CD177: variants seen among roughly 807,000 people sequenced by gnomAD.
The protein encoded by CD177 is CD177 antigen.
In CD177, 41 loss-of-function variants were observed where a neutral mutation model predicts 38.1. The ratio of observed to expected loss-of-function variants is 1.07; its 90% CI spans 0.84 to 1.39. The LOEUF (loss-of-function observed/expected upper bound fraction) is 1.39, where lower values mean the gene tolerates loss of function less well. Among genes scored for constraint, CD177 ranks in the 40% most tolerant of loss-of-function variants. CD177 has a pLI of 0.00. For synonymous variants in CD177, 236 were observed against 216.7 expected (o/e 1.09, Z -0.78); for missense variants, 619 against 523.8 (o/e 1.18, Z -1.77).
downstream of CD177, among the ~76,000 whole-genome samples, chr19:43,365,747 G>T (rs537110572): frequency 3.3e-5 from 5 of 151,220 alleles, no homozygotes; most frequent in African/African-American, 7.3e-5. Context: ...CATAAGCCTG[G>T]TCTGCACTTT....
Position 43,362,378 on chromosome 19 carries a change from G to A in CD177, c.*58G>A. 1.3e-6 allele frequency: 1 copy of A among 746,152 alleles called. No individual in the cohort carries two copies. The highest frequency in any genetic ancestry group is 2.2e-6 in the Non-Finnish European group (1 of 453,798). The allele number at this position is 746,152 out of a possible 1,614,324, so 46.2% of individuals were successfully genotyped here. On this transcript the variant is annotated 3_prime_UTR_variant, in exon 9 of 9. Transcript: ENST00000618265. Reference sequence around the variant, plus strand: ...GACCACCCACACTCAACCTCCCTCTGACCTCATAACCTAATGGCCTTGGAC... The same window carrying A: ...GACCACCCACACTCAACCTCCCTCTAACCTCATAACCTAATGGCCTTGGAC...
At chr19:43,362,034 C>G (rs1969976750) in intron 8 of CD177, 54 bp from the exon 9 acceptor site, 1 of 1,515,996 alleles carries the variant, frequency 6.6e-7, no homozygotes. Flanking sequence ...CCTGGGTTTA[C>G]AACTTGGCTG....
intron 4 of CD177, 62 bp downstream of exon 4, chr19:43,355,845 T>A: frequency 6.2e-7 from 1 of 1,608,630 alleles, no homozygotes; most frequent in Non-Finnish European, 8.5e-7. Context: ...GACTGAGATC[T>A]TAGGCTTTGG....
intron 4 of CD177, 95 bp downstream of exon 4, chr19:43,355,878 G>T (rs73039860): frequency 6.4e-7 from 1 of 1,553,326 alleles, no homozygotes; most frequent in Non-Finnish European, 8.8e-7. Flanking sequence ...GCTGAGGCAC[G>T]GCATGAGACC....
At chr19:43,361,682 G>C in intron 8 of CD177, 103 bp downstream of exon 8, 1 of 1,242,810 alleles carries the variant, frequency 8.0e-7, no homozygotes, top group Non-Finnish European at 1.1e-6. Context: ...GTCCGAGGGA[G>C]GAGGCGCTGG....
chr19:43,362,329 C>T lies in CD177; in HGVS notation c.*9C>T, dbSNP rs1476473506. ...TTTGCCCTTCCTGCTAACTCTATTA[C>T]CCCCACGATTCTTCACCGCTGCTGA... On this transcript the variant is annotated 3_prime_UTR_variant, in exon 9 of 9. Coordinates refer to ENST00000618265, the MANE Select transcript of CD177 (RefSeq NM_020406.4). 2.3e-6 allele frequency: 3 copies of T among 1,332,862 alleles called. No individual in the cohort carries two copies. The highest frequency in any genetic ancestry group is 2.4e-5 in the East Asian group (1 of 42,430). The allele number at this position is 1,332,862 out of a possible 1,614,324, so 82.6% of individuals were successfully genotyped here.
intron 3 of CD177, chr19:43,354,649 G>A (rs1387829722): frequency 1.7e-6 from 1 of 591,434 alleles, no homozygotes; most frequent in Admixed American, 3.0e-5. Flanking sequence ...CAAACAGGAC[G>A]GATTTCTGAT....
Position 43,353,873 on chromosome 19 carries a change from C to G in CD177, c.73C>G (p.Gln25Glu), listed in dbSNP as rs768758511. The change falls in exon 2 of 9, where the codon CAG becomes GAG. Residue 25 changes from glutamine (Q) to glutamate (E), a missense_variant. Transcript: ENST00000618265. ...TCCAGGAGTGCAGGCGCTGCTCTGC[C>G]AGTTTGGGACAGTTCAGCATGTGTG... ...PLPGVQALLC[Q>E]FGTVQHVWKV... 4.3e-6 allele frequency: 7 copies of G among 1,613,856 alleles called. No homozygotes were observed. Among genetic ancestry groups the G allele is most frequent in the Non-Finnish European group, 5.9e-6 (7 of 1,179,846 alleles).
chr19:43,363,806 G>C (rs1459029210), downstream of CD177, among the ~76,000 whole-genome samples: 13 of 152,194 alleles, frequency 8.5e-5, no homozygotes, highest in Non-Finnish European at 1.3e-4. Flanking sequence ...TCAAAGTCCA[G>C]GACGGGCTCG....
downstream of CD177, among the ~76,000 whole-genome samples, chr19:43,363,688 G>A (rs751213715): frequency 2.4e-3 from 253 of 106,600 alleles, 1 homozygote; most frequent in South Asian, 0.023. Context: ...GAGGAGAGGA[G>A]AGGGAAGAGG....
At position 43,362,091 on chromosome 19, in the gene CD177, G is replaced by C. The variant is rs1159965841; in HGVS notation, c.1085G>C (p.Gly362Ala). The C allele has an allele frequency of 1.9e-6, 3 of 1,613,456 alleles. No individual in the cohort carries two copies. The highest frequency in any genetic ancestry group is 1.1e-5 in the South Asian group (1 of 91,074). The change falls in exon 9 of 9, where the codon GGG becomes GCG. Residue 362 changes from glycine (G) to alanine (A), a missense_variant. Coordinates refer to ENST00000618265, the MANE Select transcript of CD177 (RefSeq NM_020406.4). ...TGACTTGGTCTTCTCCCTCTAGGTGGGCTGTCCACCAAAATGAGCATTCAG... is the reference window on the plus strand; with the variant it reads ...TGACTTGGTCTTCTCCCTCTAGGTGCGCTGTCCACCAAAATGAGCATTCAG... ...YDGYIHLSGG[G>A]LSTKMSIQGC... is the part of the protein sequence containing the mutation.
rs1378961137 is a variant in CD177, at chr19:43,353,984, A to T, written c.184A>T (p.Ile62Phe). Reference sequence around the variant, plus strand: ...GGGGTGCCAGGACACGTTGATGCTCATTGAGAGCGGTGAGAAGGCCCTGGC... The same window carrying T: ...GGGGTGCCAGGACACGTTGATGCTCTTTGAGAGCGGTGAGAAGGCCCTGGC... ...GLGCQDTLML[I>F]ESGPQVSLVL... is the part of the protein sequence containing the mutation. Residue 62 changes from isoleucine (I) to phenylalanine (F), a missense_variant, in exon 2 of 9, where the codon ATT (isoleucine) becomes TTT (phenylalanine). Transcript: ENST00000618265. 5.6e-6 allele frequency: 9 copies of T among 1,613,716 alleles called. No individual in the cohort carries two copies. In the Middle Eastern group the frequency reaches 5.0e-4, roughly 89 times the overall value.
chr19:43,354,667 C>T (rs1333859628), intron 3 of CD177: 28 of 592,594 alleles, frequency 4.7e-5, no homozygotes, highest in East Asian at 1.1e-4. Context: ...GATATGAAAT[C>T]ACCATTAACT....
At position 43,355,104 on chromosome 19, in the gene CD177, CTT is replaced by C. The variant is rs1156547437; in HGVS notation, c.380-533_380-532del. 2.2e-4 allele frequency among the ~76,000 whole-genome samples: 6 copies of C among 26,826 alleles called. 1 individual carries two copies. The highest frequency in any genetic ancestry group is 1.7e-3 in the Admixed American group (3 of 1,804). The allele number at this position is 26,826 out of a possible 152,430, so 17.6% of individuals were successfully genotyped here. On this transcript the variant is annotated intron_variant, in intron 3 of 8. Transcript: ENST00000618265. ...CCCAAGACACCCCCCCTTTTCTTTTCTTTTTTTTTTTTTTTTTTTTTTTTTCT... is the reference window on the plus strand; with the variant it reads ...CCCAAGACACCCCCCCTTTTCTTTTCTTTTTTTTTTTTTTTTTTTTTTTCT...
At chr19:43,366,035 A>G (rs1970023692), downstream of CD177, among the ~76,000 whole-genome samples, 1 of 152,126 alleles carries the variant, frequency 6.6e-6, no homozygotes, top group Non-Finnish European at 1.5e-5. Flanking sequence ...TACCTGCAGG[A>G]GGAGGCGCGG....
intron 3 of CD177, chr19:43,354,607 C>T (rs118177040): frequency 0.018 from 10,859 of 601,340 alleles, 154 homozygotes; most frequent in South Asian, 0.031. Context: ...ACCTGCCACC[C>T]GGGAATCCCC....
chr19:43,360,953 G>A (rs1375010549), intron 6 of CD177, 190 bp from the exon 7 acceptor site: 10 of 613,074 alleles, frequency 1.6e-5, no homozygotes, highest in African/African-American at 5.6e-5. Context: ...CTGGGAGGAG[G>A]CAGAGCTTCG....
rs1014571942 is a variant in CD177, at chr19:43,360,950, G to A, written c.761-193G>A. The A allele has an allele frequency of 2.1e-4, 128 of 612,988 alleles. 2 individuals carry two copies. Among genetic ancestry groups the A allele is most frequent in the Non-Finnish European group, 1.3e-4 (44 of 336,742 alleles). The allele number at this position is 612,988 out of a possible 1,614,324, so 38.0% of individuals were successfully genotyped here. Reference sequence around the variant, plus strand: ...GTGACCTTTGAGCGAGAACTGGGAGGAGGCAGAGCTTCGGGCAGGACCCAG... The same window carrying A: ...GTGACCTTTGAGCGAGAACTGGGAGAAGGCAGAGCTTCGGGCAGGACCCAG... On this transcript the variant is annotated intron_variant, in intron 6 of 8. Transcript: ENST00000618265.
At chr19:43,365,729 G>A (rs892545727), downstream of CD177, among the ~76,000 whole-genome samples, 1 of 150,146 alleles carries the variant, frequency 6.7e-6, no homozygotes, top group Admixed American at 6.7e-5. Context: ...TCACCGTGAG[G>A]ACCCATCCAT....
Sources: gnomAD v4.1 joint callset for allele counts (sites outside exome capture counted in the v4.1 genomes callset) on GRCh38, gnomAD v4.1.1 for gene constraint, MANE v1.5 for transcripts, NCBI Gene and HGNC (gene_info 2026-07-23, HGNC 2026-07-21) for gene names.